Variants in ANO6 observed in about 807,000 individuals in gnomAD.
ANO6 encodes the protein anoctamin 6.
In ANO6, 106 loss-of-function variants were observed where a neutral mutation model predicts 117.5. The observed-to-expected ratio is 0.90, with a 90% CI of 0.77 to 1.06. ANO6 has a LOEUF of 1.06. Ranked by LOEUF, ANO6 falls within the 50% of genes least tolerant of loss-of-function variation. The pLI, the probability that ANO6 is intolerant of heterozygous loss-of-function variation, is 0.00. For missense variants in ANO6, 955 were observed against 1,121.1 expected (o/e 0.85, Z 2.12); for synonymous variants, 367 against 385.1 (o/e 0.95, Z 0.55).
chr12:45,440,051 G>T, exon 20 of ANO6: 1 of 1,092,804 alleles, frequency 9.2e-7, no homozygotes, highest in Non-Finnish European at 1.2e-6. Context: ...TCCAATACTG[G>T]CATTTAAGAC....
chr12:45,244,403 T>TGG (rs59579814), intron 1 of ANO6, among the ~76,000 whole-genome samples: 47 of 72,362 alleles, frequency 6.5e-4, no homozygotes, highest in African/African-American at 1.5e-3. Context: ...CTTCTCTATT[T>TGG]GGGGGGGGGG....
At chr12:45,327,366 T>C (rs1359149111) in intron 2 of ANO6, among the ~76,000 whole-genome samples, 1 of 152,222 alleles carries the variant, frequency 6.6e-6, no homozygotes, top group Non-Finnish European at 1.5e-5. Flanking sequence ...ATATTTTGGA[T>C]GACAGTTTAG....
chr12:45,276,082 T>TAAATG (rs1938546007), intron 1 of ANO6, among the ~76,000 whole-genome samples: 1 of 152,222 alleles, frequency 6.6e-6, no homozygotes, highest in African/African-American at 2.4e-5. Flanking sequence ...CTGCGCTCTG[T>TAAATG]GTCTTCACCA....
At chr12:45,420,546 A>G (rs975199296) in intron 17 of ANO6, among the ~76,000 whole-genome samples, 2 of 152,212 alleles carry the variant, frequency 1.3e-5, no homozygotes, top group African/African-American at 4.8e-5. Context: ...TCGAGGTTAC[A>G]GTGAGCTGTG....
At chr12:45,264,425 ACT>A (rs1938147756) in intron 1 of ANO6, among the ~76,000 whole-genome samples, 2 of 151,914 alleles carry the variant, frequency 1.3e-5, no homozygotes, top group East Asian at 3.9e-4. Flanking sequence ...GTTTCTGTTG[ACT>A]CTGGTAAAAG....
intron 1 of ANO6, among the ~76,000 whole-genome samples, chr12:45,272,968 T>A (rs1938438372): frequency 1.3e-5 from 2 of 152,210 alleles, no homozygotes; most frequent in African/African-American, 4.8e-5. Context: ...GGAATGTTAT[T>A]CAGCCTTAAA....
chr12:45,418,156 A>G (rs953629335), intron 17 of ANO6, among the ~76,000 whole-genome samples: 4 of 152,140 alleles, frequency 2.6e-5, no homozygotes, highest in Admixed American at 6.5e-5. Flanking sequence ...AGGTACCCCA[A>G]TTGGAGGCAC....
chr12:45,395,744 A>C (rs1413172914), intron 12 of ANO6, among the ~76,000 whole-genome samples: 1 of 152,256 alleles, frequency 6.6e-6, no homozygotes, highest in African/African-American at 2.4e-5. Context: ...CAAAAACCAC[A>C]TGATTATATC....
chr12:45,391,307 A>G (rs187118204), intron 12 of ANO6, among the ~76,000 whole-genome samples: 1 of 152,314 alleles, frequency 6.6e-6, no homozygotes, highest in East Asian at 1.9e-4. Flanking sequence ...AGGCTTATTG[A>G]TGGAATCATA....
At chr12:45,355,662 A>T (rs1037848205) in intron 7 of ANO6, among the ~76,000 whole-genome samples, 3 of 152,172 alleles carry the variant, frequency 2.0e-5, no homozygotes, top group African/African-American at 7.2e-5. Context: ...AGCTCCGGTC[A>T]CGTGAAAATC....
intron 17 of ANO6, among the ~76,000 whole-genome samples, chr12:45,419,865 C>T (rs969024484): frequency 2.0e-5 from 3 of 151,936 alleles, no homozygotes; most frequent in African/African-American, 7.3e-5. Context: ...CTCTGATACA[C>T]AGGTTTATGA....
chr12:45,249,518 T>C (rs1444371886), intron 1 of ANO6, among the ~76,000 whole-genome samples: 2 of 152,164 alleles, frequency 1.3e-5, no homozygotes, highest in Non-Finnish European at 2.9e-5. Flanking sequence ...CATTTGAAAA[T>C]TAGTGTTTTA....
chr12:45,262,687 G>A (rs1938080387), intron 1 of ANO6, among the ~76,000 whole-genome samples: 1 of 152,184 alleles, frequency 6.6e-6, no homozygotes. Flanking sequence ...GCCTCCCAGA[G>A]TGCTGGGATT....
At chr12:45,434,251 A>G (rs1380481650), downstream of ANO6, among the ~76,000 whole-genome samples, 1 of 152,168 alleles carries the variant, frequency 6.6e-6, no homozygotes, top group African/African-American at 2.4e-5. Flanking sequence ...ATACCCTGCC[A>G]TTACTTTCTT....
intron 15 of ANO6, among the ~76,000 whole-genome samples, chr12:45,408,332 C>T (rs559803836): frequency 7.2e-5 from 11 of 152,300 alleles, no homozygotes; most frequent in African/African-American, 2.6e-4. Context: ...CACAAGCTGG[C>T]AGTTGCTTGA....
chr12:45,251,076 G>GA (rs920161758), intron 1 of ANO6, among the ~76,000 whole-genome samples: 69 of 151,432 alleles, frequency 4.6e-4, no homozygotes, highest in Admixed American at 6.6e-4. Context: ...AAAAAAAAAG[G>GA]AAAAAAAACC....
intron 1 of ANO6, among the ~76,000 whole-genome samples, chr12:45,232,315 A>G (rs897630838): frequency 1.3e-5 from 2 of 152,230 alleles, no homozygotes; most frequent in African/African-American, 4.8e-5. Context: ...ATTGAGCAAC[A>G]AAGAAGACTG....
intron 10 of ANO6, among the ~76,000 whole-genome samples, chr12:45,386,562 G>A (rs1942304387): frequency 6.6e-6 from 1 of 152,164 alleles, no homozygotes. Context: ...GGATCTTGCT[G>A]CATCATGTAC....
At chr12:45,426,399 C>A (rs1281463597) in intron 19 of ANO6, among the ~76,000 whole-genome samples, 29 of 152,198 alleles carry the variant, frequency 1.9e-4, no homozygotes, top group Admixed American at 1.9e-3. Context: ...ATCCTTACCT[C>A]ACCAGTCCTG....
Sources: allele counts gnomAD v4.1 joint callset (sites outside exome capture counted in the v4.1 genomes callset), GRCh38; gene constraint gnomAD v4.1.1; transcripts MANE v1.5; gene names NCBI Gene and HGNC (gene_info 2026-07-23, HGNC 2026-07-21).